The following HSF2BP variants were observed in gnomAD, a reference collection of about 807,000 sequenced individuals.
HSF2BP encodes heat shock transcription factor 2 binding protein.
A neutral mutation model predicts 35.0 loss-of-function variants in HSF2BP; 35 were observed. The ratio of observed to expected loss-of-function variants is 1.00; its 90% CI spans 0.76 to 1.32. HSF2BP has a LOEUF of 1.32. Among genes scored for constraint, HSF2BP ranks in the 40% most tolerant of loss-of-function variants. HSF2BP has a pLI of 0.00. For missense variants in HSF2BP, 326 were observed against 321.7 expected (o/e 1.01, Z -0.10); for synonymous variants, 114 against 117.4 (o/e 0.97, Z 0.18).
At position 43,592,364 on chromosome 21, in the gene HSF2BP, A is replaced by G. The variant is rs753272644; in HGVS notation, c.693-36T>C. The G allele has an allele frequency of 1.5e-5, 20 of 1,356,332 alleles. No homozygotes were observed. The African/African-American group carries it at 2.7e-4, about 18-fold the overall frequency. The allele number at this position is 1,356,332 out of a possible 1,614,324, so 84.0% of individuals were successfully genotyped here. ...AAAGAAAAAGGTGTTGGAATGCTCC[A>G]TCCACACTACATTTCACCCTAAACA... On this transcript the variant is annotated intron_variant, in intron 7 of 8. Transcript: ENST00000291560.
At chr21:43,576,718 A>T (rs2081649166) in intron 8 of HSF2BP, among the ~76,000 whole-genome samples, 1 of 152,224 alleles carries the variant, frequency 6.6e-6, no homozygotes, top group Non-Finnish European at 1.5e-5. Context: ...AAGGTCTTAA[A>T]ACATGCAAAG....
chr21:43,582,385 G>C (rs868524712), intron 8 of HSF2BP, among the ~76,000 whole-genome samples: 32 of 113,748 alleles, frequency 2.8e-4, no homozygotes, highest in Middle Eastern at 8.5e-3. Flanking sequence ...TGAGGGCCTG[G>C]TGAGGGGGAT....
intron 3 of HSF2BP, among the ~76,000 whole-genome samples, chr21:43,645,080 A>G (rs2838334): frequency 0.27 from 41,448 of 152,166 alleles, 6,151 homozygotes; most frequent in Middle Eastern, 0.33. Context: ...ACTCGAAAAA[A>G]CAAATATATA....
intron 8 of HSF2BP, among the ~76,000 whole-genome samples, chr21:43,579,016 T>C (rs546204617): frequency 6.6e-6 from 1 of 152,224 alleles, no homozygotes; most frequent in Non-Finnish European, 1.5e-5. Flanking sequence ...AATGGTATAT[T>C]TGTATCCAAG....
In HSF2BP at chr21:43,644,473, T is replaced by G. The variant is rs973380005; in HGVS notation, c.188-81A>C. 5 of 1,059,974 alleles carry G rather than the reference T, an allele frequency of 4.7e-6. No individual in the cohort carries two copies. The African/African-American group carries it at 7.8e-5, about 17-fold the overall frequency. The allele number at this position is 1,059,974 out of a possible 1,614,324, so 65.7% of individuals were successfully genotyped here. On this transcript the variant is annotated intron_variant, in intron 3 of 8. Coordinates refer to ENST00000291560, the MANE Select transcript of HSF2BP (RefSeq NM_007031.2). ...AGCATCTATTTTGCCCAGTCTTGACTTAGTAAAATGTGTACTGATTTCTTA... is the reference window on the plus strand; with the variant it reads ...AGCATCTATTTTGCCCAGTCTTGACGTAGTAAAATGTGTACTGATTTCTTA...
chr21:43,582,822 G>GA, intron 8 of HSF2BP, among the ~76,000 whole-genome samples: 1 of 22,032 alleles, frequency 4.5e-5, no homozygotes, highest in Non-Finnish European at 7.2e-5. Context: ...TGAGGGGGAT[G>GA]AGGGCCTGCT....
chr21:43,632,260 CA>C, intron 5 of HSF2BP, among the ~76,000 whole-genome samples: 1 of 96,892 alleles, frequency 1.0e-5, no homozygotes, highest in Non-Finnish European at 2.2e-5. Context: ...CACACTCCCC[CA>C]CACACACGCT....
In HSF2BP at chr21:43,658,097, G is replaced by A. The variant is rs111912076; in HGVS notation, c.-1C>T. The A allele has an allele frequency of 2.3e-5, 36 of 1,534,346 alleles. No homozygotes were observed. Among genetic ancestry groups the A allele is most frequent in the Non-Finnish European group, 3.1e-5 (35 of 1,145,348 alleles). ...CCTCAGCGGCGCCCGCTTCGCCCAT[G>A]GCCGCTGCCGCCTCCGCTCCGTTCG... is the stretch of plus-strand genomic sequence containing the variant. On this transcript the variant is annotated 5_prime_UTR_variant, in exon 2 of 9. Coordinates refer to ENST00000291560, the MANE Select transcript of HSF2BP (RefSeq NM_007031.2).
Position 43,656,568 on chromosome 21 carries a change from G to T in HSF2BP, c.187+19C>A. ...CAAATTACTGTTACCACCAATGACT[G>T]CTGAAAATGAAGACTCACTTTTTTC... On this transcript the variant is annotated intron_variant, in intron 3 of 8. Coordinates refer to ENST00000291560, the MANE Select transcript of HSF2BP (RefSeq NM_007031.2). 6.2e-7 allele frequency: 1 copy of T among 1,601,574 alleles called. No homozygotes were observed. The highest frequency in any genetic ancestry group is 8.5e-7 in the Non-Finnish European group (1 of 1,175,206).
At chr21:43,573,018 T>C (rs1474190712) in intron 8 of HSF2BP, among the ~76,000 whole-genome samples, 1 of 152,206 alleles carries the variant, frequency 6.6e-6, no homozygotes, top group African/African-American at 2.4e-5. Context: ...GCGGTGCACC[T>C]GGTCCTTACG....
At chr21:43,612,108 G>A (rs2082212322) in intron 7 of HSF2BP, among the ~76,000 whole-genome samples, 1 of 152,164 alleles carries the variant, frequency 6.6e-6, no homozygotes, top group Admixed American at 6.5e-5. Flanking sequence ...AAACCAAACA[G>A]AGAAAAGGCT....
chr21:43,647,720 G>A (rs1215963678), intron 3 of HSF2BP, among the ~76,000 whole-genome samples: 2 of 151,928 alleles, frequency 1.3e-5, no homozygotes, highest in Non-Finnish European at 1.5e-5. Context: ...TGTGAGGTCA[G>A]GAGTTCAAGA....
intron 3 of HSF2BP, among the ~76,000 whole-genome samples, chr21:43,646,189 T>A (rs1601721829): frequency 6.7e-6 from 1 of 149,932 alleles, no homozygotes; most frequent in South Asian, 2.1e-4. Flanking sequence ...TAGAGCAGAG[T>A]GCCTTTGGAC....
intron 7 of HSF2BP, among the ~76,000 whole-genome samples, chr21:43,608,429 T>C (rs2082161733): frequency 6.6e-6 from 1 of 152,150 alleles, no homozygotes; most frequent in Non-Finnish European, 1.5e-5. Context: ...AAATGGCTAT[T>C]ACTAGAAAGT....
intron 8 of HSF2BP, among the ~76,000 whole-genome samples, chr21:43,587,102 C>A (rs892259882): frequency 3.9e-5 from 6 of 152,142 alleles, no homozygotes; most frequent in African/African-American, 1.4e-4. Context: ...ACCAGCACCA[C>A]GAACTATTTT....
chr21:43,646,976 C>T (rs377015575), intron 3 of HSF2BP, among the ~76,000 whole-genome samples: 92 of 152,156 alleles, frequency 6.0e-4, no homozygotes, highest in African/African-American at 2.1e-3. Flanking sequence ...CTATGCCCAC[C>T]CTCCAAATGT....
chr21:43,622,962 TCAAA>T (rs1278657911), intron 6 of HSF2BP, among the ~76,000 whole-genome samples: 1 of 124,694 alleles, frequency 8.0e-6, no homozygotes, highest in Non-Finnish European at 1.6e-5. Flanking sequence ...TAGAATCATA[TCAAA>T]CAGCTTTTTT....
chr21:43,572,287 C>T (rs2081587389), intron 8 of HSF2BP, among the ~76,000 whole-genome samples: 2 of 152,184 alleles, frequency 1.3e-5, no homozygotes, highest in South Asian at 4.1e-4. Context: ...GCTAGCCCAG[C>T]GCTTGGGAGA....
At chr21:43,575,710 C>A (rs989704737) in intron 8 of HSF2BP, among the ~76,000 whole-genome samples, 12 of 152,186 alleles carry the variant, frequency 7.9e-5, no homozygotes, top group Admixed American at 7.9e-4. Context: ...GTTAGGATCC[C>A]ACTATAGACT....
Sources: gnomAD v4.1 joint callset for allele counts (sites outside exome capture counted in the v4.1 genomes callset) on GRCh38, gnomAD v4.1.1 for gene constraint, MANE v1.5 for transcripts, NCBI Gene and HGNC (gene_info 2026-07-23, HGNC 2026-07-21) for gene names.